CPA6: variants seen among roughly 807,000 people sequenced by gnomAD.
CPA6 encodes the protein carboxypeptidase A6.
CPA6 carries 58 observed loss-of-function variants against 63.3 expected under a neutral mutation model. The observed-to-expected ratio is 0.92, with a 90% CI of 0.74 to 1.14. The LOEUF (loss-of-function observed/expected upper bound fraction) is 1.14, where lower values mean the gene tolerates loss of function less well. CPA6 is among the 50% of genes most tolerant of loss of function. CPA6 has a pLI of 0.00. For missense variants in CPA6, 565 were observed against 526.6 expected (o/e 1.07, Z -0.71); for synonymous variants, 185 against 179.0 (o/e 1.03, Z -0.27).
In CPA6 at chr8:67,624,209, T is replaced by C; in HGVS notation, c.159A>G (p.Ala53=). 6.5e-7 allele frequency: 1 copy of C among 1,547,738 alleles called. No individual in the cohort carries two copies. Among genetic ancestry groups the C allele is most frequent in the African/African-American group, 1.4e-5 (1 of 73,492 alleles). ...IRFIPKTEEE[A]YALKKISYQL... is the part of the protein sequence containing the mutation. ...GATAGGATATTTTCTTCAGTGCATATGCTTCCTCTTCTGTTTTGGGAATAA... is the reference window on the plus strand; with the variant it reads ...GATAGGATATTTTCTTCAGTGCATACGCTTCCTCTTCTGTTTTGGGAATAA... Residue 53 remains alanine (A), a synonymous_variant, in exon 2 of 11, where the codon GCA becomes GCG. Coordinates refer to ENST00000297770, the MANE Select transcript of CPA6 (RefSeq NM_020361.5).
rs141623026 is a variant in CPA6, at chr8:67,565,830, A to G, written c.193-47783T>C. Among the ~76,000 whole-genome samples the G allele has an allele frequency of 2.6e-3, 400 of 152,316 alleles. 1 individual carries two copies. The highest frequency in any genetic ancestry group is 9.2e-3 in the African/African-American group (382 of 41,574). On this transcript the variant is annotated intron_variant, in intron 2 of 10. Transcript: ENST00000297770. Reference sequence around the variant, plus strand: ...GAAGATGAGATCTCTCTGAGATGTCATCTTCACTTTGAAAAAGCTTTCAAA... The same window carrying G: ...GAAGATGAGATCTCTCTGAGATGTCGTCTTCACTTTGAAAAAGCTTTCAAA...
At chr8:67,634,728 T>C (rs959188383) in intron 1 of CPA6, among the ~76,000 whole-genome samples, 1 of 151,596 alleles carries the variant, frequency 6.6e-6, no homozygotes, top group Non-Finnish European at 1.5e-5. Context: ...TTATGAAGGT[T>C]ACATTATGTT....
intron 1 of CPA6, among the ~76,000 whole-genome samples, chr8:67,633,309 A>G (rs868264144): frequency 4.9e-4 from 75 of 152,238 alleles, no homozygotes; most frequent in African/African-American, 1.7e-3. Flanking sequence ...TACATAATAT[A>G]TGTGAATTTA....
At chr8:67,684,799 C>T (rs913052566) in intron 1 of CPA6, among the ~76,000 whole-genome samples, 1 of 152,158 alleles carries the variant, frequency 6.6e-6, no homozygotes, top group South Asian at 2.1e-4. Context: ...AGTATCTGAT[C>T]ACCTTCCACA....
intron 1 of CPA6, among the ~76,000 whole-genome samples, chr8:67,638,056 G>C (rs1383039241): frequency 1.3e-5 from 2 of 150,802 alleles, no homozygotes; most frequent in East Asian, 1.9e-4. Context: ...TAATATACAA[G>C]AGTGGCAATA....
intron 2 of CPA6, among the ~76,000 whole-genome samples, chr8:67,612,698 A>C (rs1200631352): frequency 1.3e-5 from 2 of 152,222 alleles, no homozygotes; most frequent in African/African-American, 4.8e-5. Context: ...ACAAAATGGT[A>C]GAAAACAGGA....
At chr8:67,739,542 A>G (rs1048998505) in intron 1 of CPA6, among the ~76,000 whole-genome samples, 28 of 152,146 alleles carry the variant, frequency 1.8e-4, no homozygotes, top group African/African-American at 6.8e-4. Context: ...ACATATTTCA[A>G]CCTGTCACTG....
intron 1 of CPA6, among the ~76,000 whole-genome samples, chr8:67,715,672 C>T (rs1358336431): frequency 4.6e-5 from 7 of 152,324 alleles, no homozygotes; most frequent in African/African-American, 1.7e-4. Flanking sequence ...ATGGTCGTAA[C>T]ATAATAGTGA....
In CPA6 at chr8:67,428,151, A is replaced by G; in HGVS notation, c.1042-20T>C. 6.8e-7 allele frequency: 1 copy of G among 1,479,682 alleles called. No homozygotes were observed. The highest frequency in any genetic ancestry group is 9.4e-7 in the Non-Finnish European group (1 of 1,058,906). 91.7% of individuals were successfully genotyped at this position (1,479,682 alleles called of 1,614,324 possible). ...AGATTCCTATGAGGGAAAATGGGGA[A>G]ATTTTATATATTGTTGCATTGAAAC... is the stretch of plus-strand genomic sequence containing the variant. On this transcript the variant is annotated intron_variant, in intron 9 of 10. Transcript: ENST00000297770.
intron 10 of CPA6, among the ~76,000 whole-genome samples, chr8:67,427,193 G>T (rs759584937): frequency 6.6e-6 from 1 of 152,178 alleles, no homozygotes; most frequent in Non-Finnish European, 1.5e-5. Flanking sequence ...ATTCAAGGCT[G>T]CAGTGGACCT....
At chr8:67,560,731 A>G (rs1219831391) in intron 2 of CPA6, among the ~76,000 whole-genome samples, 3 of 152,110 alleles carry the variant, frequency 2.0e-5, no homozygotes, top group African/African-American at 7.2e-5. Context: ...ACCAGCTGAC[A>G]CTAGGGCCTT....
chr8:67,736,477 T>A (rs1423383966), intron 1 of CPA6, among the ~76,000 whole-genome samples: 4 of 152,244 alleles, frequency 2.6e-5, no homozygotes, highest in Admixed American at 2.0e-4. Flanking sequence ...GCCTACCCAG[T>A]GGATACGACT....
chr8:67,509,501 A>G lies in CPA6; in HGVS notation c.534+16T>C. Reference sequence around the variant, plus strand: ...GGTAAACATTATGTATTTACACAGCAATTGCTTATTTTTACCTTTAAAATA... The same window carrying G: ...GGTAAACATTATGTATTTACACAGCGATTGCTTATTTTTACCTTTAAAATA... On this transcript the variant is annotated intron_variant, in intron 5 of 10. Transcript: ENST00000297770. 1 of 1,154,562 alleles carries G rather than the reference A, an allele frequency of 8.7e-7. No individual in the cohort carries two copies. The highest frequency in any genetic ancestry group is 1.3e-6 in the Non-Finnish European group (1 of 774,628). The allele number at this position is 1,154,562 out of a possible 1,614,324, so 71.5% of individuals were successfully genotyped here. A position where few individuals can be genotyped will look rare whatever the true frequency, so the allele number is the denominator to read the frequency against.
chr8:67,461,049 CT>C (rs111558015), intron 8 of CPA6, among the ~76,000 whole-genome samples: 714 of 138,996 alleles, frequency 5.1e-3, no homozygotes, highest in East Asian at 7.5e-3. Context: ...AATTCGATTT[CT>C]TTTTTTTTTT....
At chr8:67,519,088 T>C (rs181252672) in intron 2 of CPA6, among the ~76,000 whole-genome samples, 9 of 152,322 alleles carry the variant, frequency 5.9e-5, no homozygotes, top group Admixed American at 2.0e-4. Context: ...TCAGTGTTTG[T>C]TGCAAGAGTG....
At chr8:67,682,608 G>T (rs975280667) in intron 1 of CPA6, among the ~76,000 whole-genome samples, 7 of 152,176 alleles carry the variant, frequency 4.6e-5, no homozygotes, top group African/African-American at 1.7e-4. Context: ...TTGGGTCTTG[G>T]ACATTTGTTT....
At chr8:67,606,456 G>A (rs562001866) in intron 2 of CPA6, among the ~76,000 whole-genome samples, 51 of 152,146 alleles carry the variant, frequency 3.4e-4, no homozygotes, top group Non-Finnish European at 6.6e-4. Flanking sequence ...TTCAGAAGCA[G>A]TTTTCTCCAA....
At chr8:67,457,507 G>C (rs1011481911) in intron 8 of CPA6, among the ~76,000 whole-genome samples, 1 of 152,044 alleles carries the variant, frequency 6.6e-6, no homozygotes, top group African/African-American at 2.4e-5. Context: ...CAGTCACTGG[G>C]TTCCATCATT....
At chr8:67,488,847 C>G (rs1811543844) in intron 6 of CPA6, among the ~76,000 whole-genome samples, 1 of 152,134 alleles carries the variant, frequency 6.6e-6, no homozygotes, top group Non-Finnish European at 1.5e-5. Flanking sequence ...TGATTTGGCT[C>G]TCTGTTTGTC....
Sources: allele counts gnomAD v4.1 joint callset (sites outside exome capture counted in the v4.1 genomes callset), GRCh38; gene constraint gnomAD v4.1.1; transcripts MANE v1.5; gene names NCBI Gene and HGNC (gene_info 2026-07-23, HGNC 2026-07-21).